CDH4: variants seen among roughly 807,000 people sequenced by gnomAD.
CDH4 encodes cadherin 4, also known as cadherin-4.
CDH4 carries 33 observed loss-of-function variants against 86.0 expected under a neutral mutation model. That is an observed-to-expected ratio of 0.38 (90% CI 0.29 to 0.51). The LOEUF (loss-of-function observed/expected upper bound fraction) is 0.51, where lower values mean the gene tolerates loss of function less well. CDH4 is among the 20% of genes least tolerant of loss of function. The pLI is 0.86. For synonymous variants in CDH4, 555 were observed against 549.4 expected (o/e 1.01, Z -0.14); for missense variants, 1,114 against 1,307.4 (o/e 0.85, Z 2.28).
intron 2 of CDH4, among the ~76,000 whole-genome samples, chr20:61,587,553 G>C (rs945663512): frequency 1.1e-4 from 16 of 152,124 alleles, no homozygotes; most frequent in African/African-American, 3.9e-4. Flanking sequence ...TCCAGGCCGA[G>C]CGCGGGGAGG....
rs758526042 is a variant in CDH4 at position 61,844,782 on chromosome 20, G to A, written c.691G>A (p.Val231Ile). Residue 231 changes from valine (V) to isoleucine (I), a missense_variant, in exon 5 of 16, where the codon GTC (valine) becomes ATC (isoleucine). Val to Ile is a conservative substitution (Grantham distance 29). Coordinates refer to ENST00000614565, the MANE Select transcript of CDH4 (RefSeq NM_001794.5). ...SIDSMSGRMY[V>I]TRPMDREEHA... ...TGACTCCATGTCCGGCCGGATGTAC[G>A]TCACAAGGCCCATGGACCGGGAGGA... 10 of 1,613,902 alleles carry A rather than the reference G, an allele frequency of 6.2e-6. No homozygotes were observed. Among genetic ancestry groups the A allele is most frequent in the East Asian group, 2.2e-5 (1 of 44,878 alleles).
chr20:61,265,680 G>T (rs534717409), intron 2 of CDH4, among the ~76,000 whole-genome samples: 14 of 151,958 alleles, frequency 9.2e-5, no homozygotes, highest in African/African-American at 3.1e-4. Context: ...CACATACCTC[G>T]CAATCTTACA....
In CDH4 at chr20:61,304,203, G is replaced by A. The variant is rs557937749; in HGVS notation, c.169+49266G>A. The stretch of plus-strand genomic sequence containing the variant: ...GAATCCTGGTTTTAGGTCTTTCTCT[G>A]CCCATCCTCCGAACGCAGTTCTCAG... On this transcript the variant is annotated intron_variant, in intron 2 of 15. Transcript: ENST00000614565. Among the ~76,000 whole-genome samples, 10 of 152,124 alleles carry A rather than the reference G, an allele frequency of 6.6e-5. No homozygotes were observed. The East Asian group carries it at 1.9e-3, about 29-fold the overall frequency.
chr20:61,894,736 G>T (rs1331151874), intron 7 of CDH4, among the ~76,000 whole-genome samples, 174 bp from the exon 8 acceptor site: 1 of 152,212 alleles, frequency 6.6e-6, no homozygotes. Flanking sequence ...ACTCCGACAG[G>T]CAGTGTCAAC....
chr20:61,539,996 G>A (rs750324815), intron 2 of CDH4, among the ~76,000 whole-genome samples: 16 of 152,156 alleles, frequency 1.1e-4, no homozygotes, highest in East Asian at 3.9e-4. Flanking sequence ...CCCGATGCCC[G>A]CAGCGTTCAG....
intron 2 of CDH4, among the ~76,000 whole-genome samples, chr20:61,433,714 G>A (rs541944387): frequency 3.9e-5 from 6 of 152,208 alleles, no homozygotes; most frequent in South Asian, 2.1e-4. Flanking sequence ...GGCTCCCGTC[G>A]GTCCCTGAGA....
chr20:61,439,780 G>A (rs940440860), intron 2 of CDH4, among the ~76,000 whole-genome samples: 3 of 152,342 alleles, frequency 2.0e-5, no homozygotes, highest in Non-Finnish European at 4.4e-5. Flanking sequence ...GGTAGGATTC[G>A]AGGCGCCTCT....
chr20:61,437,570 C>A (rs1177335267), intron 2 of CDH4: 2 of 152,184 alleles, frequency 1.3e-5, no homozygotes, highest in Non-Finnish European at 2.9e-5. Context: ...GCACACACCG[C>A]CCTCTCAGGG....
intron 7 of CDH4, among the ~76,000 whole-genome samples, chr20:61,886,565 G>A (rs528591181): frequency 3.3e-5 from 5 of 152,314 alleles, no homozygotes; most frequent in South Asian, 2.1e-4. Context: ...CAGGACTCCC[G>A]CTGCCCGCCC....
At chr20:61,761,484 G>T (rs189484946) in intron 3 of CDH4, among the ~76,000 whole-genome samples, 1 of 152,194 alleles carries the variant, frequency 6.6e-6, no homozygotes, top group Non-Finnish European at 1.5e-5. Context: ...ACTCTAAGAC[G>T]TGGTGTGTGT....
intron 8 of CDH4, among the ~76,000 whole-genome samples, chr20:61,901,055 G>A (rs754098462): frequency 3.3e-5 from 5 of 152,236 alleles, no homozygotes; most frequent in Non-Finnish European, 4.4e-5. Context: ...CTCCAATCCC[G>A]GGTAAGAAGA....
intron 7 of CDH4, among the ~76,000 whole-genome samples, chr20:61,894,088 A>G (rs750948237): frequency 7.2e-5 from 11 of 152,052 alleles, no homozygotes; most frequent in Non-Finnish European, 1.2e-4. Context: ...CCCCTCCCCT[A>G]ATGGTACTGG....
At chr20:61,426,455 C>G (rs1390891809) in intron 2 of CDH4, among the ~76,000 whole-genome samples, 1 of 152,138 alleles carries the variant, frequency 6.6e-6, no homozygotes, top group African/African-American at 2.4e-5. Flanking sequence ...TAGGGGTGTC[C>G]TGTGTGGAGG....
At chr20:61,519,590 G>A (rs781064274) in intron 2 of CDH4, among the ~76,000 whole-genome samples, 12 of 152,214 alleles carry the variant, frequency 7.9e-5, no homozygotes, top group Non-Finnish European at 1.5e-4. Context: ...CTGGTGCCCC[G>A]ACCCCGAGGA....
chr20:61,763,124 C>A (rs1053027375), intron 3 of CDH4, among the ~76,000 whole-genome samples: 3 of 152,226 alleles, frequency 2.0e-5, no homozygotes, highest in African/African-American at 7.2e-5. Context: ...CATCTGTGAC[C>A]TATCGCCAAA....
intron 4 of CDH4, among the ~76,000 whole-genome samples, chr20:61,821,926 C>T (rs545503028): frequency 3.9e-5 from 6 of 152,238 alleles, no homozygotes; most frequent in Non-Finnish European, 5.9e-5. Flanking sequence ...GGCTCTGCCC[C>T]GCCTCCTTGT....
intron 2 of CDH4, among the ~76,000 whole-genome samples, chr20:61,441,688 C>G (rs1333504130): frequency 1.3e-5 from 2 of 152,164 alleles, no homozygotes; most frequent in African/African-American, 4.8e-5. Context: ...TAGAAAGTAC[C>G]ATTTAGGAGA....
intron 2 of CDH4, among the ~76,000 whole-genome samples, chr20:61,739,335 C>A (rs556795772): frequency 6.6e-6 from 1 of 152,306 alleles, no homozygotes; most frequent in South Asian, 2.1e-4. Context: ...CCTGGGGAGG[C>A]TTTGCCCCTA....
At position 61,656,847 on chromosome 20, in the gene CDH4, C is replaced by G. The variant is rs1600846566; in HGVS notation, c.170-86716C>G. ...TCAGCTGTGAAAGGACAGAACCAGCCCAGGTCTTAGGCTGTGTGCAGAGGC... is the reference window on the plus strand; with the variant it reads ...TCAGCTGTGAAAGGACAGAACCAGCGCAGGTCTTAGGCTGTGTGCAGAGGC... On this transcript the variant is annotated intron_variant, in intron 2 of 15. Coordinates refer to ENST00000614565, the MANE Select transcript of CDH4 (RefSeq NM_001794.5). Among the ~76,000 whole-genome samples the G allele has an allele frequency of 6.6e-5, 10 of 152,168 alleles. No homozygotes were observed. The South Asian group carries it at 1.2e-3, about 19-fold the overall frequency.
Sources: gnomAD v4.1 joint callset for allele counts (sites outside exome capture counted in the v4.1 genomes callset) on GRCh38, gnomAD v4.1.1 for gene constraint, MANE v1.5 for transcripts, NCBI Gene and HGNC (gene_info 2026-07-23, HGNC 2026-07-21) for gene names.